The following CXADR variants were observed in gnomAD, a reference collection of about 807,000 sequenced individuals.
CXADR encodes the protein CXADR cell adhesion molecule.
A neutral mutation model predicts 40.3 loss-of-function variants in CXADR; 20 were observed. That is an observed-to-expected ratio of 0.50 (90% CI 0.35 to 0.72). The LOEUF (loss-of-function observed/expected upper bound fraction) is 0.72, where lower values mean the gene tolerates loss of function less well. CXADR is among the 30% of genes least tolerant of loss of function. The pLI, the probability that CXADR is intolerant of heterozygous loss-of-function variation, is 0.01. For missense variants in CXADR, 332 were observed against 449.1 expected (o/e 0.74, Z 2.36); for synonymous variants, 150 against 161.3 (o/e 0.93, Z 0.53).
At chr21:17,609,756 CAA>C in the CXADR span, among the ~76,000 whole-genome samples, 1 of 152,054 alleles carries the variant, frequency 6.6e-6, no homozygotes, top group Non-Finnish European at 1.5e-5. Context: ...AAAGTGAAAA[CAA>C]TATGTTTACC....
intron 3 of CXADR, 113 bp from the exon 4 acceptor site, chr21:17,558,863 G>T (rs1240932777): frequency 1.9e-6 from 2 of 1,080,516 alleles, no homozygotes; most frequent in East Asian, 2.7e-5. Flanking sequence ...ATTCTTTTGT[G>T]AATTCTGAAC....
Position 17,529,329 on chromosome 21 carries a change from C to CT in CXADR, c.43+16166dup, listed in dbSNP as rs917714747. On this transcript the variant is annotated intron_variant, in intron 1 of 6. Coordinates refer to ENST00000284878, the MANE Select transcript of CXADR (RefSeq NM_001338.5). ...TACAGGCTTGAGCCACTGCACCTGG[C>CT]TTTTTTTTTGAGACACAGTTTCATT... Among the ~76,000 whole-genome samples the CT allele has an allele frequency of 7.3e-5, 11 of 149,958 alleles. 1 individual carries two copies. The South Asian group carries it at 8.5e-4, about 12-fold the overall frequency.
At chr21:17,586,862 G>T (rs60429739) in intron 7 of CXADR, among the ~76,000 whole-genome samples, 1 of 152,000 alleles carries the variant, frequency 6.6e-6, no homozygotes, top group Admixed American at 6.6e-5. Context: ...AACATTAGGT[G>T]TATCTCCTAA....
downstream of CXADR, chr21:17,594,375 T>C: frequency 3.2e-6 from 5 of 1,574,262 alleles, no homozygotes; most frequent in Non-Finnish European, 4.3e-6. Flanking sequence ...AAGGAAAAAA[T>C]CATCATCTAT....
chr21:17,604,074 ATTC>A, the CXADR span: 14 of 1,198,878 alleles, frequency 1.2e-5, no homozygotes, highest in African/African-American at 1.7e-5. Flanking sequence ...TCACAACTCT[ATTC>A]ATTAGGAGAT....
chr21:17,601,127 C>T, the CXADR span, among the ~76,000 whole-genome samples: 1,258 of 151,434 alleles, frequency 8.3e-3, 22 homozygotes, highest in African/African-American at 0.029. Flanking sequence ...CGCACCACTG[C>T]ACTCCAGCCT....
At chr21:17,616,567 C>T in the CXADR span, among the ~76,000 whole-genome samples, 2 of 151,950 alleles carry the variant, frequency 1.3e-5, no homozygotes, top group Non-Finnish European at 2.9e-5. Context: ...GATCTCCTGA[C>T]CTCATGATCT....
chr21:17,532,142 A>G (rs1397238796), intron 1 of CXADR, among the ~76,000 whole-genome samples: 2 of 151,950 alleles, frequency 1.3e-5, no homozygotes, highest in Non-Finnish European at 2.9e-5. Context: ...TATGTTGCCC[A>G]GGTTGGTCTC....
chr21:17,515,861 A>G (rs1053460637), intron 1 of CXADR, among the ~76,000 whole-genome samples: 5 of 152,208 alleles, frequency 3.3e-5, no homozygotes, highest in Non-Finnish European at 5.9e-5. Context: ...CACTGTTAAC[A>G]TGATTGACTC....
chr21:17,620,079 CT>C, the CXADR span, among the ~76,000 whole-genome samples: 1 of 152,200 alleles, frequency 6.6e-6, no homozygotes, highest in African/African-American at 2.4e-5. Context: ...TGGAGCAGCA[CT>C]TTTAATTTCC....
the CXADR span, among the ~76,000 whole-genome samples, chr21:17,608,386 C>T: frequency 5.5e-5 from 8 of 146,566 alleles, no homozygotes; most frequent in East Asian, 1.0e-3. Flanking sequence ...AAAAAAAAAA[C>T]TCCCAGAAAA....
chr21:17,525,041 G>C (rs1279904008), intron 1 of CXADR, among the ~76,000 whole-genome samples: 3 of 152,166 alleles, frequency 2.0e-5, no homozygotes, highest in African/African-American at 7.2e-5. Context: ...AAAAAAGGAA[G>C]ATAGGAAAAG....
the CXADR span, chr21:17,608,855 T>A: frequency 1.0e-6 from 1 of 981,450 alleles, no homozygotes; most frequent in Non-Finnish European, 1.5e-6. Flanking sequence ...CACCCCAGAG[T>A]TCTATATTTT....
chr21:17,526,692 T>C (rs919164306), intron 1 of CXADR, among the ~76,000 whole-genome samples: 7 of 152,226 alleles, frequency 4.6e-5, no homozygotes, highest in Non-Finnish European at 8.8e-5. Context: ...GTTAACTTTT[T>C]CTTCATTAAC....
the CXADR span, among the ~76,000 whole-genome samples, chr21:17,620,363 G>A: frequency 6.6e-6 from 1 of 152,230 alleles, no homozygotes; most frequent in East Asian, 1.9e-4. Context: ...GGTCAGTAGA[G>A]CAGTCAGAAC....
the CXADR span, chr21:17,598,846 T>A: frequency 6.3e-7 from 1 of 1,593,650 alleles, no homozygotes; most frequent in Non-Finnish European, 8.5e-7. Flanking sequence ...ATTAAAAACT[T>A]ACAAATCTTG....
intron 3 of CXADR, among the ~76,000 whole-genome samples, chr21:17,554,520 G>A (rs905851357): frequency 6.6e-6 from 1 of 152,160 alleles, no homozygotes; most frequent in Non-Finnish European, 1.5e-5. Context: ...GGGGATGAGA[G>A]GAGAAAGCAG....
rs372936792 is a variant in CXADR, at chr21:17,515,559, C to T, written c.43+2387C>T. ...GGGCGCGGTGGCTCACGCCTGTAAT[C>T]CCAGCACTTTGGGAGGCCGAGGCGG... is the stretch of plus-strand genomic sequence containing the variant. On this transcript the variant is annotated intron_variant, in intron 1 of 6. Transcript: ENST00000284878. 1.1e-3 allele frequency among the ~76,000 whole-genome samples: 167 copies of T among 152,268 alleles called. 1 individual carries two copies. The highest frequency in any genetic ancestry group is 3.7e-3 in the African/African-American group (154 of 41,548).
the CXADR span, among the ~76,000 whole-genome samples, chr21:17,622,975 A>G: frequency 6.6e-6 from 1 of 152,248 alleles, no homozygotes; most frequent in Middle Eastern, 3.4e-3. Context: ...TTTAATTTGG[A>G]ATATCTAAAA....
Sources: gnomAD v4.1 joint callset for allele counts (sites outside exome capture counted in the v4.1 genomes callset) on GRCh38, gnomAD v4.1.1 for gene constraint, MANE v1.5 for transcripts, NCBI Gene and HGNC (gene_info 2026-07-23, HGNC 2026-07-21) for gene names.